Variants in PLCG1 observed in about 807,000 individuals in gnomAD.
PLCG1 encodes 1-phosphatidylinositol 4,5-bisphosphate phosphodiesterase gamma-1.
A neutral mutation model predicts 177.8 loss-of-function variants in PLCG1; 71 were observed. The observed-to-expected ratio is 0.40, with a 90% CI of 0.33 to 0.49. The LOEUF (loss-of-function observed/expected upper bound fraction) is 0.49, where lower values mean the gene tolerates loss of function less well. Among genes scored for constraint, PLCG1 ranks in the 20% least tolerant of loss-of-function variants. The probability of loss-of-function intolerance (pLI) is 0.72; values close to 1 mark genes in which losing one functional copy is unlikely to be tolerated. For missense variants in PLCG1, 1,281 were observed against 1,709.0 expected (o/e 0.75, Z 4.42); for synonymous variants, 658 against 647.9 (o/e 1.02, Z -0.24).
chr20:41,164,192 TGGCCTCAGAGTGAGTCGGA>T lies in PLCG1; in HGVS notation c.1212_1217+13del. ...CACACCATCAAGGAGCATGCCTTTG[TGGCCTCAGAGTGAGTCGGA>T]GGCTGGATGACCCAGGGGTTAACTT... On this transcript the variant is annotated splice_donor_variant and splice_donor_5th_base_variant and coding_sequence_variant and intron_variant, in exon 12 of 32. Coordinates refer to ENST00000685551, the MANE Select transcript of PLCG1 (RefSeq NM_002660.3). LOFTEE classifies it high-confidence loss of function. This position sits in a 1 kb window ranked among gnomAD's most constrained non-coding sequence, Gnocchi z 6.4. The T allele has an allele frequency of 6.2e-7, 1 of 1,614,126 alleles. No individual in the cohort carries two copies.
intron 1 of PLCG1, among the ~76,000 whole-genome samples, chr20:41,158,780 T>A (rs1339595735): frequency 2.0e-5 from 3 of 152,222 alleles, no homozygotes; most frequent in African/African-American, 7.2e-5. Flanking sequence ...TCGTGCATGT[T>A]TTTTCTACCA....
Position 41,163,397 on chromosome 20 carries a change from G to T in PLCG1, c.809G>T (p.Arg270Leu). Reference protein sequence around the residue: ...DYQGELWAVDRLQVQEFMLSF... With the variant: ...DYQGELWAVDLLQVQEFMLSF... ...CATCAGGAGCTGTGGGCTGTTGATC[G>T]CCTCCAGGTGCAGGAGTTCATGCTC... Residue 270 changes from arginine (R) to leucine (L), a missense_variant, in exon 9 of 32, where the codon CGC becomes CTC. Around this residue, in one of 4 missense-constraint regions of PLCG1, gnomAD observed 374 missense variants for 443.8 expected, o/e 0.84. Transcript: ENST00000685551. The surrounding 1 kb of genome is among the most constrained non-coding windows in gnomAD (Gnocchi z 5.2). 6.2e-7 allele frequency: 1 copy of T among 1,612,912 alleles called. No individual in the cohort carries two copies. Among genetic ancestry groups the T allele is most frequent in the South Asian group, 1.1e-5 (1 of 91,034 alleles).
rs548111784 is a variant in PLCG1 at position 41,157,932 on chromosome 20, G to C, written c.218-1674G>C. On this transcript the variant is annotated intron_variant, in intron 1 of 31. Transcript: ENST00000685551. The surrounding 1 kb of genome is among the most constrained non-coding windows in gnomAD (Gnocchi z 5.4). ...CGGGAGGGGCTTGAATGAGGTCTAG[G>C]GGGGTCAGAATAATGTTTTATGAAG... Among the ~76,000 whole-genome samples, 1 of 152,180 alleles carries C rather than the reference G, an allele frequency of 6.6e-6. No homozygotes were observed. The highest frequency in any genetic ancestry group is 2.1e-4 in the South Asian group (1 of 4,828).
Position 41,175,867 on chromosome 20 carries a change from A to G in PLCG1, c.*1358A>G, listed in dbSNP as rs1463452740. 1 of 152,340 alleles carries G rather than the reference A, an allele frequency of 6.6e-6. No individual in the cohort carries two copies. The highest frequency in any genetic ancestry group is 2.4e-5 in the African/African-American group (1 of 41,362). 9.4% of individuals were successfully genotyped at this position (152,340 alleles called of 1,614,324 possible). A position where few individuals can be genotyped will look rare whatever the true frequency, so the allele number is the denominator to read the frequency against. ...CTCAGGTTAAGCAGCAAGAGCTGTA[A>G]CCCCTCCTCTGGGCTAACAGGAGTT... On this transcript the variant is annotated 3_prime_UTR_variant, in exon 32 of 32. Coordinates refer to ENST00000685551, the MANE Select transcript of PLCG1 (RefSeq NM_002660.3).
At chr20:41,170,511 G>A in intron 24 of PLCG1, 1 of 502,252 alleles carries the variant, frequency 2.0e-6, no homozygotes, top group Non-Finnish European at 3.6e-6. Context: ...TCTGCTTAGT[G>A]GGCAATTGGA....
chr20:41,163,601 C>A lies in PLCG1; in HGVS notation c.892-114C>A. The A allele has an allele frequency of 9.5e-7, 1 of 1,048,202 alleles. No homozygotes were observed. The highest frequency in any genetic ancestry group is 1.5e-6 in the Non-Finnish European group (1 of 673,128). The allele number at this position is 1,048,202 out of a possible 1,614,324, so 64.9% of individuals were successfully genotyped here. A position where few individuals can be genotyped will look rare whatever the true frequency, so the allele number is the denominator to read the frequency against. On this transcript the variant is annotated intron_variant, in intron 9 of 31. Coordinates refer to ENST00000685551, the MANE Select transcript of PLCG1 (RefSeq NM_002660.3). The surrounding 1 kb of genome is among the most constrained non-coding windows in gnomAD (Gnocchi z 5.2). ...CCACCTTGTTTCTACCTACTGTGCA[C>A]CTTGCCCACCCCCAGTTGGGACAGA...
intron 1 of PLCG1, among the ~76,000 whole-genome samples, chr20:41,158,108 G>A (rs1281364111): frequency 6.6e-6 from 1 of 152,184 alleles, no homozygotes. Context: ...GTGTCGGGGA[G>A]CTAGGGTTAG....
rs547958568 is a variant in PLCG1 at position 41,177,173 on chromosome 20, C to T, written c.*2664C>T. On this transcript the variant is annotated 3_prime_UTR_variant, in exon 32 of 32. Transcript: ENST00000685551. ...CAGGCTCCTTGTTCTCCTGCCATCA[C>T]CAGTAGAACCTTCTGGCTGACAGAC... 8 of 152,362 alleles carry T rather than the reference C, an allele frequency of 5.3e-5. No homozygotes were observed. In the East Asian group the frequency reaches 1.5e-3, roughly 29 times the overall value. 9.4% of individuals were successfully genotyped at this position (152,362 alleles called of 1,614,324 possible). A position where few individuals can be genotyped will look rare whatever the true frequency, so the allele number is the denominator to read the frequency against.
In PLCG1 at chr20:41,144,250, A is replaced by G. The variant is rs537554846; in HGVS notation, c.217+6392A>G. ...TAGCAAGTTCATGGCAGATCCTAGGATTTCAGATTCCTGCTATAGTATTCA... is the reference window on the plus strand; with the variant it reads ...TAGCAAGTTCATGGCAGATCCTAGGGTTTCAGATTCCTGCTATAGTATTCA... On this transcript the variant is annotated intron_variant, in intron 1 of 31. Transcript: ENST00000685551. The surrounding 1 kb of genome is among the most constrained non-coding windows in gnomAD (Gnocchi z 4.1). Among the ~76,000 whole-genome samples, 9 of 152,358 alleles carry G rather than the reference A, an allele frequency of 5.9e-5. No individual in the cohort carries two copies. In the South Asian group the frequency reaches 1.9e-3, roughly 32 times the overall value.
At position 41,156,513 on chromosome 20, in the gene PLCG1, T is replaced by C. The variant is rs774952498; in HGVS notation, c.218-3093T>C. 7.9e-5 allele frequency among the ~76,000 whole-genome samples: 12 copies of C among 152,152 alleles called. No individual in the cohort carries two copies. Among genetic ancestry groups the C allele is most frequent in the Non-Finnish European group, 1.8e-4 (12 of 68,026 alleles). On this transcript the variant is annotated intron_variant, in intron 1 of 31. Transcript: ENST00000685551. The surrounding 1 kb of genome is among the most constrained non-coding windows in gnomAD (Gnocchi z 5.0). ...ATACATCAGGCTTCTGGGCTGCTAC[T>C]TGTGGGATCCTGCCCTTGTTCTCAA...
In PLCG1 at chr20:41,153,018, T is replaced by C. The variant is rs191787234; in HGVS notation, c.218-6588T>C. Among the ~76,000 whole-genome samples the C allele has an allele frequency of 5.1e-4, 77 of 151,978 alleles. 1 individual carries two copies. The highest frequency in any genetic ancestry group is 4.8e-3 in the East Asian group (25 of 5,166). ...CCTTCCTCCAGTGCCCTCTGCAGAG[T>C]GGGGCACACAGGCCTTGAGGGGTTC... On this transcript the variant is annotated intron_variant, in intron 1 of 31. Transcript: ENST00000685551. This position sits in a 1 kb window ranked among gnomAD's most constrained non-coding sequence, Gnocchi z 5.1.
chr20:41,165,026 C>T lies in PLCG1; in HGVS notation c.1311C>T (p.Leu437=), dbSNP rs370750296. 6.2e-7 allele frequency: 1 copy of T among 1,614,182 alleles called. No individual in the cohort carries two copies. The highest frequency in any genetic ancestry group is 1.7e-5 in the Admixed American group (1 of 60,012). The change falls in exon 13 of 32, where the codon CTC becomes CTT. Residue 437 remains leucine (L), a synonymous_variant. Transcript: ENST00000685551. The surrounding 1 kb of genome is among the most constrained non-coding windows in gnomAD (Gnocchi z 6.6). ...TCAAGAAGGTGCTGGGGGACACACTCCTCACCAAGCCCGTGGAGATCTCTG... is the reference window on the plus strand; with the variant it reads ...TCAAGAAGGTGCTGGGGGACACACTTCTCACCAAGCCCGTGGAGATCTCTG... ...QYFKKVLGDT[L]LTKPVEISAD...
rs144223365 is a variant in PLCG1 at position 41,158,255 on chromosome 20, G to A, written c.218-1351G>A. On this transcript the variant is annotated intron_variant, in intron 1 of 31. Coordinates refer to ENST00000685551, the MANE Select transcript of PLCG1 (RefSeq NM_002660.3). ...TTCCAGGCAGGTTGGTGTGCAGTTC[G>A]GGCTGGAAGGGCTCCTGGGGTGGGG... Among the ~76,000 whole-genome samples the A allele has an allele frequency of 9.2e-5, 14 of 152,262 alleles. No individual in the cohort carries two copies. In the East Asian group the frequency reaches 1.4e-3, roughly 15 times the overall value.
Position 41,141,841 on chromosome 20 carries a change from C to A in PLCG1, c.217+3983C>A, listed in dbSNP as rs564203852. Among the ~76,000 whole-genome samples the A allele has an allele frequency of 2.6e-5, 4 of 152,346 alleles. No homozygotes were observed. In the South Asian group the frequency reaches 8.3e-4, roughly 32 times the overall value. On this transcript the variant is annotated intron_variant, in intron 1 of 31. Transcript: ENST00000685551. ...CTGGAGGAGCTGAGCACACCCAGTC[C>A]TGGGACCCACAACACCTCCAGCTTC...
Position 41,148,521 on chromosome 20 carries a change from G to A in PLCG1, c.217+10663G>A, listed in dbSNP as rs1352681066. Among the ~76,000 whole-genome samples, 2 of 152,048 alleles carry A rather than the reference G, an allele frequency of 1.3e-5. No homozygotes were observed. Among genetic ancestry groups the A allele is most frequent in the African/African-American group, 4.8e-5 (2 of 41,392 alleles). On this transcript the variant is annotated intron_variant, in intron 1 of 31. Coordinates refer to ENST00000685551, the MANE Select transcript of PLCG1 (RefSeq NM_002660.3). The surrounding 1 kb of genome is among the most constrained non-coding windows in gnomAD (Gnocchi z 4.3). The stretch of plus-strand genomic sequence containing the variant: ...AGACTTGGAGATATGCTGGGCTGTG[G>A]TCAGGAGGGCCTCATTTATCTAGTG...
At position 41,172,134 on chromosome 20, in the gene PLCG1, C is replaced by A; in HGVS notation, c.2809-59C>A. 2 of 1,387,470 alleles carry A rather than the reference C, an allele frequency of 1.4e-6. No homozygotes were observed. Among genetic ancestry groups the A allele is most frequent in the Non-Finnish European group, 2.1e-6 (2 of 973,040 alleles). 85.9% of individuals were successfully genotyped at this position (1,387,470 alleles called of 1,614,324 possible). A position where few individuals can be genotyped will look rare whatever the true frequency, so the allele number is the denominator to read the frequency against. On this transcript the variant is annotated intron_variant, in intron 24 of 31. Coordinates refer to ENST00000685551, the MANE Select transcript of PLCG1 (RefSeq NM_002660.3). The surrounding 1 kb of genome is among the most constrained non-coding windows in gnomAD (Gnocchi z 7.0). Reference sequence around the variant, plus strand: ...TGGGCATGCCCAAGGTTGGCAGGGGCTTCCTTCTCCTGGGCAGGGCTGTAG... The same window carrying A: ...TGGGCATGCCCAAGGTTGGCAGGGGATTCCTTCTCCTGGGCAGGGCTGTAG...
rs1226403834 is a variant in PLCG1, at chr20:41,176,264, C to G, written c.*1755C>G. 1 of 108,722 alleles carries G rather than the reference C, an allele frequency of 9.2e-6. No individual in the cohort carries two copies. Among genetic ancestry groups the G allele is most frequent in the African/African-American group, 2.9e-5 (1 of 34,118 alleles). The allele number at this position is 108,722 out of a possible 1,614,324, so 6.7% of individuals were successfully genotyped here. A position where few individuals can be genotyped will look rare whatever the true frequency, so the allele number is the denominator to read the frequency against. ...GACATGAACTGATGATAGCCAGTAT[C>G]AAACAGCGATAGTGCTCAGGTTCTT... On this transcript the variant is annotated 3_prime_UTR_variant, in exon 32 of 32. Coordinates refer to ENST00000685551, the MANE Select transcript of PLCG1 (RefSeq NM_002660.3).
At chr20:41,145,169 G>C (rs2034959072) in intron 1 of PLCG1, among the ~76,000 whole-genome samples, 1 of 152,168 alleles carries the variant, frequency 6.6e-6, no homozygotes, top group Admixed American at 6.5e-5. Flanking sequence ...CAACAAGGAA[G>C]GTTAATTTCC....
chr20:41,166,042 GTTCATGTGACTGCCCACACCTGAGCT>G lies in PLCG1; in HGVS notation c.1800-151_1800-126del. On this transcript the variant is annotated intron_variant, in intron 16 of 31. Coordinates refer to ENST00000685551, the MANE Select transcript of PLCG1 (RefSeq NM_002660.3). This position sits in a 1 kb window ranked among gnomAD's most constrained non-coding sequence, Gnocchi z 8.6. ...GGTTCATTTGAAGCCCACACCTTTGGTTCATGTGACTGCCCACACCTGAGCTCCTCAGGAGATTGGCCTCCCTCCTT... is the reference window on the plus strand; with the variant it reads ...GGTTCATTTGAAGCCCACACCTTTGGCCTCAGGAGATTGGCCTCCCTCCTT... 4.2e-6 allele frequency: 3 copies of G among 716,892 alleles called. No homozygotes were observed. The highest frequency in any genetic ancestry group is 1.8e-5 in the African/African-American group (1 of 55,242). The allele number at this position is 716,892 out of a possible 1,614,324, so 44.4% of individuals were successfully genotyped here.
Sources: gnomAD v4.1 joint callset for allele counts (sites outside exome capture counted in the v4.1 genomes callset) on GRCh38, gnomAD v4.1.1 for gene constraint, gnomAD v4.1.1 regional missense constraint, Gnocchi (gnomAD v3.1) non-coding constraint, MANE v1.5 for transcripts, NCBI Gene and HGNC (gene_info 2026-07-23, HGNC 2026-07-21) for gene names.